The following LIN52 variants were observed in gnomAD, a reference collection of about 807,000 sequenced individuals.
LIN52 encodes the protein lin-52 DREAM MuvB core complex component.
Under a neutral mutation model 18.5 loss-of-function variants are expected in LIN52, and 4 were observed. The observed-to-expected ratio is 0.22, with a 90% CI of 0.11 to 0.49. The LOEUF is 0.49. Among genes scored for constraint, LIN52 ranks in the 20% least tolerant of loss-of-function variants. The probability of loss-of-function intolerance (pLI) is 0.97; values close to 1 mark genes in which losing one functional copy is unlikely to be tolerated. For synonymous variants in LIN52, 34 were observed against 45.5 expected (o/e 0.75, Z 1.02); for missense variants, 102 against 139.5 (o/e 0.73, Z 1.35).
chr14:74,119,355 A>G (rs569032484), intron 5 of LIN52, among the ~76,000 whole-genome samples: 18 of 151,780 alleles, frequency 1.2e-4, no homozygotes, highest in East Asian at 7.8e-4. Flanking sequence ...TAGTAGAGAC[A>G]GGGTTTCACT....
intron 5 of LIN52, among the ~76,000 whole-genome samples, chr14:74,183,264 A>AT (rs1350675161): frequency 1.6e-4 from 25 of 151,786 alleles, no homozygotes; most frequent in Admixed American, 1.2e-3. Flanking sequence ...CGCCCGGCTA[A>AT]TTTTTTTTGT....
intron 1 of LIN52, among the ~76,000 whole-genome samples, chr14:74,090,018 CTTTTTTT>C (rs34660535): frequency 7.9e-6 from 1 of 125,860 alleles, no homozygotes; most frequent in African/African-American, 3.0e-5. Flanking sequence ...ACAGTGCACT[CTTTTTTT>C]TTTTTTTTTT....
intron 5 of LIN52, among the ~76,000 whole-genome samples, chr14:74,182,357 G>T (rs1182051106): frequency 2.6e-5 from 4 of 152,130 alleles, no homozygotes; most frequent in African/African-American, 9.7e-5. Flanking sequence ...ATCTTTAAAA[G>T]TATTTTCACA....
At chr14:74,144,417 G>C (rs1218002948) in intron 5 of LIN52, among the ~76,000 whole-genome samples, 1 of 152,018 alleles carries the variant, frequency 6.6e-6, no homozygotes, top group African/African-American at 2.4e-5. Context: ...GTGAGCCACT[G>C]TGCCCAGCCT....
At chr14:74,133,081 T>G (rs1223808205) in intron 5 of LIN52, among the ~76,000 whole-genome samples, 1 of 152,182 alleles carries the variant, frequency 6.6e-6, no homozygotes, top group Non-Finnish European at 1.5e-5. Context: ...CTAATTTGGT[T>G]GAGGCTTCAT....
intron 5 of LIN52, among the ~76,000 whole-genome samples, chr14:74,168,663 G>A (rs550173290): frequency 1.0e-4 from 15 of 150,696 alleles, no homozygotes; most frequent in African/African-American, 2.7e-4. Context: ...GTGAGACTCC[G>A]TCTCAGAAAA....
chr14:74,197,085 C>G (rs2078917356), intron 5 of LIN52, among the ~76,000 whole-genome samples: 1 of 152,144 alleles, frequency 6.6e-6, no homozygotes, highest in Admixed American at 6.5e-5. Flanking sequence ...GATTTTCTTG[C>G]CAAATAAGCA....
At chr14:74,157,954 TC>T (rs1375089065) in intron 5 of LIN52, among the ~76,000 whole-genome samples, 1 of 152,172 alleles carries the variant, frequency 6.6e-6, no homozygotes, top group African/African-American at 2.4e-5. Flanking sequence ...TGTTCACAAT[TC>T]TTTCTTTCAA....
chr14:74,154,755 G>GT (rs1352402622), intron 5 of LIN52, among the ~76,000 whole-genome samples: 3 of 152,322 alleles, frequency 2.0e-5, no homozygotes. Context: ...CCTAGAAGAC[G>GT]TAAGATTAAA....
intron 5 of LIN52, among the ~76,000 whole-genome samples, chr14:74,181,311 C>T (rs2061317755): frequency 6.6e-6 from 1 of 151,254 alleles, no homozygotes; most frequent in South Asian, 2.1e-4. Context: ...AAAGCCGGTC[C>T]AGGCATGGTG....
intron 5 of LIN52, among the ~76,000 whole-genome samples, chr14:74,161,118 A>G (rs2061222579): frequency 6.6e-6 from 1 of 152,182 alleles, no homozygotes; most frequent in African/African-American, 2.4e-5. Flanking sequence ...ATTGTGTTTC[A>G]TATATTTGGT....
intron 5 of LIN52, among the ~76,000 whole-genome samples, chr14:74,109,346 T>C (rs2060914042): frequency 6.6e-6 from 1 of 152,178 alleles, no homozygotes; most frequent in African/African-American, 2.4e-5. Flanking sequence ...TAGCCATACA[T>C]GGTGATGTGC....
chr14:74,106,678 C>A (rs578128850), intron 5 of LIN52, among the ~76,000 whole-genome samples: 16 of 152,182 alleles, frequency 1.1e-4, no homozygotes, highest in Admixed American at 5.2e-4. Context: ...GCAACCTCCA[C>A]CTCCCAGGCT....
At chr14:74,151,765 A>T (rs1378943331) in intron 5 of LIN52, among the ~76,000 whole-genome samples, 1 of 152,344 alleles carries the variant, frequency 6.6e-6, no homozygotes, top group East Asian at 1.9e-4. Context: ...GAGATCAATT[A>T]ACAAACTAAT....
intron 5 of LIN52, among the ~76,000 whole-genome samples, chr14:74,126,985 G>T (rs1047233379): frequency 6.6e-6 from 1 of 152,074 alleles, no homozygotes; most frequent in African/African-American, 2.4e-5. Flanking sequence ...ATTTAGCTTC[G>T]TGACCTTGGT....
intron 5 of LIN52, among the ~76,000 whole-genome samples, chr14:74,165,448 C>T (rs943409252): frequency 6.7e-6 from 1 of 149,850 alleles, no homozygotes; most frequent in African/African-American, 2.5e-5. Context: ...ATAAAAGAAT[C>T]AGCTAAACAG....
chr14:74,085,303 G>GTAGAGCAAAGA, intron 1 of LIN52: 1 of 292,318 alleles, frequency 3.4e-6, no homozygotes. Context: ...GCTGAGGGTC[G>GTAGAGCAAAGA]AGGAGGAGAT....
chr14:74,193,968 A>T (rs180758132), intron 5 of LIN52, among the ~76,000 whole-genome samples: 1 of 152,352 alleles, frequency 6.6e-6, no homozygotes, highest in East Asian at 1.9e-4. Context: ...TTTGCATTGG[A>T]ATTGAAAAAC....
At chr14:74,149,385 A>G (rs1362648949) in intron 5 of LIN52, among the ~76,000 whole-genome samples, 2 of 152,228 alleles carry the variant, frequency 1.3e-5, no homozygotes, top group African/African-American at 4.8e-5. Flanking sequence ...CTCTAAATTC[A>G]TAGGTATTAA....
Sources: allele counts gnomAD v4.1 joint callset (sites outside exome capture counted in the v4.1 genomes callset), GRCh38; gene constraint gnomAD v4.1.1; transcripts MANE v1.5; gene names NCBI Gene and HGNC (gene_info 2026-07-23, HGNC 2026-07-21).